EEFSEC: variants seen among roughly 807,000 people sequenced by gnomAD.
EEFSEC encodes eukaryotic elongation factor, selenocysteine-tRNA specific, also known as selenocysteine-specific elongation factor.
In EEFSEC, 43 loss-of-function variants were observed where a neutral mutation model predicts 42.1. The ratio of observed to expected loss-of-function variants is 1.02; its 90% CI spans 0.80 to 1.32. The LOEUF is 1.32. Ranked by LOEUF, EEFSEC falls within the 40% of genes most tolerant of loss-of-function variation. The pLI is 0.00. For missense variants in EEFSEC, 745 were observed against 803.6 expected (o/e 0.93, Z 0.88); for synonymous variants, 354 against 339.1 (o/e 1.04, Z -0.48).
At chr3:128,418,033 G>A in the EEFSEC span, among the ~76,000 whole-genome samples, 3 of 152,054 alleles carry the variant, frequency 2.0e-5, no homozygotes, top group Non-Finnish European at 4.4e-5. Flanking sequence ...GCTCCCCAAA[G>A]GGTGAAATCC....
chr3:128,215,866 A>AT (rs1559872098), intron 1 of EEFSEC, among the ~76,000 whole-genome samples: 1 of 152,094 alleles, frequency 6.6e-6, no homozygotes, highest in African/African-American at 2.4e-5. Flanking sequence ...ACAGAAAGAG[A>AT]TATTTCCTAG....
At chr3:128,243,149 C>G (rs1198007447) in intron 1 of EEFSEC, among the ~76,000 whole-genome samples, 1 of 152,164 alleles carries the variant, frequency 6.6e-6, no homozygotes, top group East Asian at 1.9e-4. Context: ...CAGTCAAGTC[C>G]CTCTGACCTC....
chr3:128,253,509 A>G (rs1559887810), intron 2 of EEFSEC, among the ~76,000 whole-genome samples: 1 of 152,078 alleles, frequency 6.6e-6, no homozygotes, highest in Non-Finnish European at 1.5e-5. Context: ...GGACACCACC[A>G]AGCTTGGTGC....
intron 1 of EEFSEC, among the ~76,000 whole-genome samples, chr3:128,227,875 CCT>C (rs2065923548): frequency 6.6e-6 from 1 of 152,326 alleles, no homozygotes; most frequent in African/African-American, 2.4e-5. Context: ...CCTTGCAGCC[CCT>C]GAGTCCTCTC....
intron 1 of EEFSEC, among the ~76,000 whole-genome samples, chr3:128,238,028 C>G (rs893076460): frequency 1.3e-5 from 2 of 152,188 alleles, no homozygotes; most frequent in African/African-American, 4.8e-5. Context: ...TCAGACAGCC[C>G]TTGGTACTAG....
chr3:128,323,176 CTTAG>C (rs1162368624), intron 4 of EEFSEC, among the ~76,000 whole-genome samples: 1 of 152,282 alleles, frequency 6.6e-6, no homozygotes, highest in Admixed American at 6.5e-5. Context: ...AGTTCACATA[CTTAG>C]TTAGCTAAAT....
chr3:128,233,001 G>T (rs2065974114), intron 1 of EEFSEC, among the ~76,000 whole-genome samples: 1 of 152,142 alleles, frequency 6.6e-6, no homozygotes, highest in African/African-American at 2.4e-5. Flanking sequence ...CTACTTCATT[G>T]CCTCCCTAGG....
intron 4 of EEFSEC, among the ~76,000 whole-genome samples, chr3:128,265,383 T>A (rs2066343690): frequency 6.6e-6 from 1 of 152,200 alleles, no homozygotes; most frequent in African/African-American, 2.4e-5. Context: ...TCACCCCTCC[T>A]TCTACTATGA....
At chr3:128,356,494 G>A (rs2067456277) in intron 5 of EEFSEC, among the ~76,000 whole-genome samples, 1 of 152,202 alleles carries the variant, frequency 6.6e-6, no homozygotes, top group Middle Eastern at 3.2e-3. Context: ...AGCCATCAAA[G>A]GAAAATGTTC....
chr3:128,245,463 T>C (rs962037725), intron 1 of EEFSEC, among the ~76,000 whole-genome samples: 3 of 152,188 alleles, frequency 2.0e-5, no homozygotes, highest in Admixed American at 2.0e-4. Context: ...CACCTGAGCC[T>C]AGCCCTGTGG....
intron 6 of EEFSEC, among the ~76,000 whole-genome samples, chr3:128,382,785 C>A (rs963051606): frequency 6.6e-6 from 1 of 152,086 alleles, no homozygotes; most frequent in Non-Finnish European, 1.5e-5. Flanking sequence ...AGTCTCAGAG[C>A]CATACTAGGA....
chr3:128,270,339 C>T (rs1261464807), intron 4 of EEFSEC, among the ~76,000 whole-genome samples: 1 of 152,168 alleles, frequency 6.6e-6, no homozygotes, highest in East Asian at 1.9e-4. Flanking sequence ...TGCAAATATG[C>T]TTTGCGGACC....
intron 4 of EEFSEC, among the ~76,000 whole-genome samples, chr3:128,306,881 C>T (rs1181649528): frequency 6.6e-6 from 1 of 152,254 alleles, no homozygotes; most frequent in Non-Finnish European, 1.5e-5. Flanking sequence ...TTTCTAAATT[C>T]TAAAATCTTT....
At chr3:128,380,145 T>A (rs1356475504) in intron 6 of EEFSEC, among the ~76,000 whole-genome samples, 1 of 152,190 alleles carries the variant, frequency 6.6e-6, no homozygotes, top group Non-Finnish European at 1.5e-5. Context: ...GTGCCATTTC[T>A]CGTGATGACT....
At chr3:128,258,993 G>A (rs555144012) in intron 2 of EEFSEC, among the ~76,000 whole-genome samples, 19 of 152,266 alleles carry the variant, frequency 1.2e-4, no homozygotes, top group African/African-American at 4.3e-4. Context: ...CCACTCATTA[G>A]CCTGTGGCCT....
At chr3:128,264,802 C>T (rs1278458404) in intron 4 of EEFSEC, 21 bp downstream of exon 4, 2 of 1,604,492 alleles carry the variant, frequency 1.2e-6, no homozygotes, top group African/African-American at 1.3e-5. Flanking sequence ...CCTTGTCTTC[C>T]CTTCTGGCCT....
intron 1 of EEFSEC, among the ~76,000 whole-genome samples, chr3:128,222,439 G>T (rs935961246): frequency 6.6e-6 from 1 of 152,176 alleles, no homozygotes; most frequent in Non-Finnish European, 1.5e-5. Flanking sequence ...TGTTACTCGG[G>T]TTAACTATTT....
chr3:128,264,699 A>AAGGCCAAGGCACTGTGATGAC lies in EEFSEC; in HGVS notation c.708_728dup (p.Gln237_Gly243dup). 1 of 1,613,968 alleles carries AAGGCCAAGGCACTGTGATGAC rather than the reference A, an allele frequency of 6.2e-7. No individual in the cohort carries two copies. ...TCTGTGGACCACTGTTTCTCCATCA[A>AAGGCCAAGGCACTGTGATGAC]AGGCCAAGGCACTGTGATGACAGGG... On this transcript the variant is annotated inframe_insertion, in exon 4 of 7. Coordinates refer to ENST00000254730, the MANE Select transcript of EEFSEC (RefSeq NM_021937.5).
intron 4 of EEFSEC, among the ~76,000 whole-genome samples, chr3:128,340,123 C>T (rs1466683402): frequency 2.0e-5 from 3 of 152,146 alleles, no homozygotes; most frequent in Non-Finnish European, 2.9e-5. Flanking sequence ...CCTCCTGCCT[C>T]GGTGTATTCC....
Sources: gnomAD v4.1 joint callset for allele counts (sites outside exome capture counted in the v4.1 genomes callset) on GRCh38, gnomAD v4.1.1 for gene constraint, MANE v1.5 for transcripts, NCBI Gene and HGNC (gene_info 2026-07-23, HGNC 2026-07-21) for gene names.